The following MGAT4C variants were observed in gnomAD, a reference collection of about 807,000 sequenced individuals.
MGAT4C encodes alpha-1,3-mannosyl-glycoprotein 4-beta-N-acetylglucosaminyltransferase C.
A neutral mutation model predicts 40.1 loss-of-function variants in MGAT4C; 19 were observed. That is an observed-to-expected ratio of 0.47 (90% CI 0.33 to 0.70). MGAT4C has a LOEUF of 0.70. MGAT4C is among the 30% of genes least tolerant of loss of function. The pLI is 0.02. For missense variants in MGAT4C, 491 were observed against 563.2 expected, an observed-to-expected ratio of 0.87 and a Z score of 1.30; for synonymous variants, 181 against 187.1, an observed-to-expected ratio of 0.97 and a Z score of 0.27.
chr12:85,968,700 C>T lies in MGAT4C; in HGVS notation c.*10589G>A, dbSNP rs1883476529. 1 of 151,864 alleles carries T rather than the reference C, an allele frequency of 6.6e-6. No homozygotes were observed. The highest frequency in any genetic ancestry group is 1.5e-5 in the Non-Finnish European group (1 of 67,878). The allele number at this position is 151,864 out of a possible 1,614,324, so 9.4% of individuals were successfully genotyped here. A position where few individuals can be genotyped will look rare whatever the true frequency, so the allele number is the denominator to read the frequency against. ...GTCAAATCTGTCTGCACATTAGGAT[C>T]ACTTAGGAAGAATTTTAAAAGTATG... On this transcript the variant is annotated 3_prime_UTR_variant, in exon 5 of 5. Coordinates refer to ENST00000611864, the MANE Select transcript of MGAT4C (RefSeq NM_001351288.2).
rs1208116797 is a variant in MGAT4C at position 86,334,129 on chromosome 12, T to C, written c.-119-2A>G. ...CAGGGCTGTGCTTTCTGGGTGAGTC[T>C]GTGTTAAATTAAAATGACAAAAATC... On this transcript the variant is annotated splice_acceptor_variant, in intron 3 of 7. Coordinates refer to the MGAT4C transcript ENST00000548651. LOFTEE classifies it low-confidence loss of function (5UTR_SPLICE). 6.6e-6 allele frequency: 1 copy of C among 152,168 alleles called. No homozygotes were observed. Among genetic ancestry groups the C allele is most frequent in the Non-Finnish European group, 1.5e-5 (1 of 68,026 alleles). The allele number at this position is 152,168 out of a possible 1,614,324, so 9.4% of individuals were successfully genotyped here.
At chr12:85,999,618 A>C (rs938418822) in intron 2 of MGAT4C, among the ~76,000 whole-genome samples, 1 of 149,614 alleles carries the variant, frequency 6.7e-6, no homozygotes, top group Non-Finnish European at 1.5e-5. Flanking sequence ...TACATACACA[A>C]TGGAATACTA....
chr12:86,812,371 T>A (rs1343009550), intron 1 of MGAT4C, among the ~76,000 whole-genome samples: 1 of 152,094 alleles, frequency 6.6e-6, no homozygotes, highest in Admixed American at 6.6e-5. Flanking sequence ...TATCTAGTAA[T>A]TCTCTCAGTT....
chr12:86,557,208 C>G (rs1216435649), intron 2 of MGAT4C, among the ~76,000 whole-genome samples: 1 of 152,108 alleles, frequency 6.6e-6, no homozygotes, highest in African/African-American at 2.4e-5. Context: ...TTGCTATAAA[C>G]ATTTTGTATC....
chr12:86,384,015 G>A (rs374712545), intron 3 of MGAT4C, among the ~76,000 whole-genome samples: 2 of 152,146 alleles, frequency 1.3e-5, no homozygotes, highest in Non-Finnish European at 2.9e-5. Context: ...TCTAATGATA[G>A]TGAATAAGTC....
At chr12:86,056,964 A>G (rs995423502) in intron 1 of MGAT4C, among the ~76,000 whole-genome samples, 2 of 152,096 alleles carry the variant, frequency 1.3e-5, no homozygotes, top group Admixed American at 6.6e-5. Flanking sequence ...GTTAAGTAGG[A>G]AAATAAACAT....
chr12:85,980,386 T>C lies in MGAT4C; in HGVS notation c.340A>G (p.Asn114Asp). Residue 114 changes from asparagine (N) to aspartate (D), a missense_variant, in exon 5 of 5, where the codon AAC (asparagine) becomes GAC (aspartate). Physicochemically the swap from Asn to Asp is conservative, Grantham distance 23 (BLOSUM62 1). Transcript: ENST00000611864. ...GLSSVKRKKG[N>D]YLLETIKSIF... ...GACTTAATTGTCTCAAGTAAATAGT[T>C]TCCTTTTTTTCGCTTTACTGAAGAA... The C allele has an allele frequency of 6.2e-7, 1 of 1,607,800 alleles. No homozygotes were observed. Among genetic ancestry groups the C allele is most frequent in the Non-Finnish European group, 8.5e-7 (1 of 1,177,474 alleles).
At chr12:86,570,222 G>C (rs1338506379) in intron 2 of MGAT4C, among the ~76,000 whole-genome samples, 2 of 152,064 alleles carry the variant, frequency 1.3e-5, no homozygotes, top group Non-Finnish European at 2.9e-5. Flanking sequence ...GACAAGTAGT[G>C]AAGTAGTGCA....
chr12:86,221,702 C>A (rs907461799), intron 1 of MGAT4C, among the ~76,000 whole-genome samples: 12 of 152,132 alleles, frequency 7.9e-5, no homozygotes, highest in Non-Finnish European at 1.3e-4. Flanking sequence ...CAGACCATGT[C>A]CATATAAAAC....
At chr12:86,040,888 C>T (rs866870173) in intron 2 of MGAT4C, among the ~76,000 whole-genome samples, 42 of 152,236 alleles carry the variant, frequency 2.8e-4, no homozygotes, top group African/African-American at 9.9e-4. Flanking sequence ...GTATCTGGGC[C>T]GGAGTGCATG....
At chr12:86,605,103 G>A (rs1593036505) in intron 2 of MGAT4C, among the ~76,000 whole-genome samples, 1 of 152,166 alleles carries the variant, frequency 6.6e-6, no homozygotes, top group Admixed American at 6.6e-5. Flanking sequence ...TTTGAATCCT[G>A]AAAAATGCTT....
intron 3 of MGAT4C, among the ~76,000 whole-genome samples, chr12:86,406,725 T>C (rs955163311): frequency 6.6e-6 from 1 of 151,714 alleles, no homozygotes; most frequent in African/African-American, 2.4e-5. Flanking sequence ...AAAAAAAAAC[T>C]AAATGTGCAA....
intron 2 of MGAT4C, among the ~76,000 whole-genome samples, chr12:86,698,993 G>A (rs1593126957): frequency 6.6e-6 from 1 of 152,224 alleles, no homozygotes; most frequent in East Asian, 1.9e-4. Flanking sequence ...AAGTGCTTTA[G>A]AGCAACAAGG....
At chr12:86,287,456 T>A (rs1953382415) in intron 4 of MGAT4C, among the ~76,000 whole-genome samples, 1 of 152,052 alleles carries the variant, frequency 6.6e-6, no homozygotes, top group Admixed American at 6.6e-5. Context: ...GCTGCACCCA[T>A]CAACCTATCA....
In MGAT4C at chr12:86,077,803, A is replaced by T. The variant is rs180760775; in HGVS notation, c.-56-28080T>A. Among the ~76,000 whole-genome samples, 35 of 152,248 alleles carry T rather than the reference A, an allele frequency of 2.3e-4. 1 individual carries two copies. The East Asian group carries it at 4.8e-3, about 21-fold the overall frequency. ...CTAATGGATCTCCTGTACTCCATGC[A>T]CACTCTTCCTTACCTCTGTTATGGA... On this transcript the variant is annotated intron_variant, in intron 1 of 4. Coordinates refer to ENST00000611864, the MANE Select transcript of MGAT4C (RefSeq NM_001351288.2).
chr12:86,061,463 G>GT (rs1435779908), intron 1 of MGAT4C, among the ~76,000 whole-genome samples: 19 of 98,520 alleles, frequency 1.9e-4, no homozygotes, highest in Admixed American at 2.3e-4. Flanking sequence ...AACTGCAGGA[G>GT]TTTTTTTTTT....
chr12:86,118,914 AATG>A (rs1878890753), intron 1 of MGAT4C, among the ~76,000 whole-genome samples: 3 of 152,118 alleles, frequency 2.0e-5, no homozygotes. Context: ...GTAGATTCAA[AATG>A]ATAATTTATT....
At chr12:86,062,562 G>A (rs1001580761) in intron 1 of MGAT4C, among the ~76,000 whole-genome samples, 1 of 151,840 alleles carries the variant, frequency 6.6e-6, no homozygotes, top group Non-Finnish European at 1.5e-5. Context: ...TCAGAAGATG[G>A]GTAATAACAA....
intron 2 of MGAT4C, among the ~76,000 whole-genome samples, chr12:86,566,548 A>ATG (rs1960116915): frequency 1.9e-5 from 2 of 106,356 alleles, no homozygotes; most frequent in East Asian, 2.4e-4. Context: ...ATATATATAT[A>ATG]TATATATATA....
Sources: gnomAD v4.1 joint callset for allele counts (sites outside exome capture counted in the v4.1 genomes callset) on GRCh38, gnomAD v4.1.1 for gene constraint, MANE v1.5 for transcripts, NCBI Gene and HGNC (gene_info 2026-07-23, HGNC 2026-07-21) for gene names.